OSBPL10: variants seen among roughly 807,000 people sequenced by gnomAD.
OSBPL10 encodes the protein oxysterol binding protein like 10.
A neutral mutation model predicts 81.7 loss-of-function variants in OSBPL10; 49 were observed. The ratio of observed to expected loss-of-function variants is 0.60; its 90% CI spans 0.48 to 0.76. OSBPL10 has a LOEUF of 0.76. OSBPL10 is among the 30% of genes least tolerant of loss of function. The pLI is 0.00. For synonymous variants in OSBPL10, 419 were observed against 383.6 expected (o/e 1.09, Z -1.08); for missense variants, 923 against 987.8 (o/e 0.93, Z 0.88).
chr3:31,692,794 G>T (rs1695594104), intron 7 of OSBPL10, among the ~76,000 whole-genome samples: 1 of 152,160 alleles, frequency 6.6e-6, no homozygotes, highest in Admixed American at 6.5e-5. Context: ...ATTTACAATG[G>T]CTACGTCAGT....
chr3:31,709,914 A>G (rs1696197327), intron 6 of OSBPL10, among the ~76,000 whole-genome samples: 1 of 152,224 alleles, frequency 6.6e-6, no homozygotes, highest in African/African-American at 2.4e-5. Flanking sequence ...TGAATTAATA[A>G]CACAGCCAAG....
In OSBPL10 at chr3:31,989,038, C is replaced by T. The variant is rs779431550; in HGVS notation, n.298+57453G>A. 7.5e-6 allele frequency: 12 copies of T among 1,609,502 alleles called. No homozygotes were observed. In the South Asian group the frequency reaches 1.3e-4, roughly 18 times the overall value. The stretch of plus-strand genomic sequence containing the variant: ...ATACAGAGCAGGAAGCAGATCGCCT[C>T]AGTGAAGGTCACACTGCAGCACTAT... On this transcript the variant is annotated intron_variant and non_coding_transcript_variant, in intron 2 of 3. Coordinates refer to the OSBPL10 transcript ENST00000479173.
chr3:32,035,982 A>C (rs138273638), intron 2 of OSBPL10, among the ~76,000 whole-genome samples: 164 of 152,246 alleles, frequency 1.1e-3, no homozygotes, highest in Non-Finnish European at 2.1e-3. Flanking sequence ...TTTGGTGACC[A>C]CTGTCATACT....
At chr3:31,864,903 C>T (rs1701139189) in intron 3 of OSBPL10, among the ~76,000 whole-genome samples, 1 of 152,158 alleles carries the variant, frequency 6.6e-6, no homozygotes, top group South Asian at 2.1e-4. Flanking sequence ...GCTCCAGTGG[C>T]GTGAACAAGT....
At chr3:31,746,976 A>G (rs1331846397) in intron 5 of OSBPL10, among the ~76,000 whole-genome samples, 1 of 152,116 alleles carries the variant, frequency 6.6e-6, no homozygotes, top group Non-Finnish European at 1.5e-5. Flanking sequence ...AAGCATAATA[A>G]TAATAAAAAA....
chr3:32,030,296 A>G (rs954495343), intron 2 of OSBPL10: 5 of 429,584 alleles, frequency 1.2e-5, no homozygotes, highest in East Asian at 5.2e-5. Flanking sequence ...ATGCGAATCT[A>G]TAAGAAAGGT....
chr3:32,016,819 C>T (rs574102187), intron 2 of OSBPL10, among the ~76,000 whole-genome samples: 3 of 152,238 alleles, frequency 2.0e-5, no homozygotes, highest in East Asian at 1.9e-4. Flanking sequence ...GATTAAACAT[C>T]GCATTAGCAG....
chr3:31,774,473 A>G (rs1290490288), intron 4 of OSBPL10, among the ~76,000 whole-genome samples: 2 of 151,928 alleles, frequency 1.3e-5, no homozygotes, highest in Non-Finnish European at 2.9e-5. Context: ...TGGAGGGAAG[A>G]GATTGTTGGA....
rs549884107 is a variant in OSBPL10 at position 31,664,210 on chromosome 3, G to A, written c.2119C>T (p.Arg707Ter). 1.1e-5 allele frequency: 18 copies of A among 1,612,578 alleles called. No homozygotes were observed. The highest frequency in any genetic ancestry group is 5.3e-5 in the African/African-American group (4 of 74,924). Residue 707 changes from arginine to a stop codon, truncating the protein, a stop_gained, in exon 11 of 12, where the codon CGA (arginine) becomes TGA (stop). Transcript: ENST00000396556. LOFTEE classifies it high-confidence loss of function. The part of the protein sequence containing the change: ...ESRNLWREVT[R>*]YLRLGDIDAA... ...TCAATGTCCCCCAGCCGCAGGTATCGGGTCACCTCCCGCCAGAGGTTCCTG... is the reference window on the plus strand; with the variant it reads ...TCAATGTCCCCCAGCCGCAGGTATCAGGTCACCTCCCGCCAGAGGTTCCTG...
At chr3:31,703,345 T>C (rs1695958166) in intron 6 of OSBPL10, among the ~76,000 whole-genome samples, 1 of 152,236 alleles carries the variant, frequency 6.6e-6, no homozygotes, top group Non-Finnish European at 1.5e-5. Flanking sequence ...TATGTTCTTA[T>C]GATGCTTGCT....
chr3:31,881,496 C>T (rs1695576612), intron 1 of OSBPL10, among the ~76,000 whole-genome samples: 1 of 151,990 alleles, frequency 6.6e-6, no homozygotes, highest in African/African-American at 2.4e-5. Context: ...TTGATGCCAT[C>T]ATATTTTTGC....
chr3:31,828,619 C>T (rs982517906), intron 4 of OSBPL10, among the ~76,000 whole-genome samples: 5 of 152,170 alleles, frequency 3.3e-5, no homozygotes, highest in African/African-American at 9.7e-5. Context: ...TGCAGCCTCC[C>T]GCTCCTAGGA....
chr3:31,736,107 T>C (rs12638954), intron 5 of OSBPL10, among the ~76,000 whole-genome samples: 62,534 of 151,374 alleles, frequency 0.41, 13,201 homozygotes, highest in East Asian at 0.64. Flanking sequence ...TTGCTGAGGG[T>C]TGGAGAGTGG....
rs1224569650 is a variant in OSBPL10 at position 32,064,857 on chromosome 3, G to A, written n.185+12539C>T. 2 of 93,552 alleles carry A rather than the reference G, an allele frequency of 2.1e-5. 1 individual carries two copies. The allele number at this position is 93,552 out of a possible 1,614,324, so 5.8% of individuals were successfully genotyped here. ...AAGGGCTCACATTTCCTAGATACAT[G>A]TGTGTTTTTTTGTTTTTTTCCCCCT... On this transcript the variant is annotated intron_variant and non_coding_transcript_variant, in intron 1 of 3. Coordinates refer to the OSBPL10 transcript ENST00000479173.
intron 1 of OSBPL10, 62 bp downstream of exon 1, chr3:31,980,835 ACG>A: frequency 1.4e-6 from 2 of 1,419,562 alleles, no homozygotes; most frequent in Admixed American, 2.9e-5. Context: ...ACATACACAC[ACG>A]CACGCACACA....
chr3:31,770,429 T>G (rs544688410), intron 4 of OSBPL10, among the ~76,000 whole-genome samples: 9 of 152,294 alleles, frequency 5.9e-5, no homozygotes, highest in African/African-American at 1.9e-4. Flanking sequence ...TAAAGCTGGT[T>G]TGAGAAACAG....
At chr3:31,835,242 C>T (rs1424427003) in intron 3 of OSBPL10, among the ~76,000 whole-genome samples, 1 of 152,078 alleles carries the variant, frequency 6.6e-6, no homozygotes, top group Non-Finnish European at 1.5e-5. Context: ...CAGAAACCCA[C>T]CTGTTAGAGA....
chr3:31,860,885 A>AT (rs1701042752), intron 3 of OSBPL10, among the ~76,000 whole-genome samples: 1 of 108,152 alleles, frequency 9.2e-6, no homozygotes, highest in Non-Finnish European at 2.1e-5. Context: ...TTTTTTTTGT[A>AT]TTTTTAGTAG....
rs1575575607 is a variant in OSBPL10, at chr3:31,837,405, T to A, written c.538-7174A>T. ...GTAACATAACACAGAGACCTTTAAA[T>A]GCTGAATTGCCATTTTAATAGAGAA... On this transcript the variant is annotated intron_variant, in intron 3 of 11. Coordinates refer to ENST00000396556, the MANE Select transcript of OSBPL10 (RefSeq NM_017784.5). Among the ~76,000 whole-genome samples, 4 of 132,964 alleles carry A rather than the reference T, an allele frequency of 3.0e-5. No individual in the cohort carries two copies. The Middle Eastern group carries it at 0.012, about 399-fold the overall frequency. 87.2% of individuals were successfully genotyped at this position (132,964 alleles called of 152,430 possible).
Sources: allele counts gnomAD v4.1 joint callset (sites outside exome capture counted in the v4.1 genomes callset), GRCh38; gene constraint gnomAD v4.1.1; transcripts MANE v1.5; gene names NCBI Gene and HGNC (gene_info 2026-07-23, HGNC 2026-07-21).